Variants in CCDC144A observed in about 807,000 individuals in gnomAD.
CCDC144A encodes coiled-coil domain containing 144A.
In CCDC144A, 41 loss-of-function variants were observed where a neutral mutation model predicts 143.8. The observed-to-expected ratio is 0.29, with a 90% CI of 0.22 to 0.37. The LOEUF is 0.37. Ranked by LOEUF, CCDC144A falls within the 10% of genes least tolerant of loss-of-function variation. The pLI is 1.00. For missense variants in CCDC144A, 637 were observed against 1,488.8 expected (o/e 0.43, Z 9.41); for synonymous variants, 242 against 517.9 (o/e 0.47, Z 7.23).
At chr17:16,666,995 G>A in the CCDC144A span, 1 of 153,008 alleles carries the variant, frequency 6.5e-6, no homozygotes, top group African/African-American at 2.4e-5. Context: ...TCAGCGACTC[G>A]CGCCCGGCTG....
chr17:16,733,345 C>CA (rs1211860336), intron 11 of CCDC144A, among the ~76,000 whole-genome samples: 6 of 142,440 alleles, frequency 4.2e-5, no homozygotes, highest in Non-Finnish European at 1.5e-5. Context: ...ACTAAAAATA[C>CA]AAAAAAAATT....
intron 15 of CCDC144A, among the ~76,000 whole-genome samples, chr17:16,771,484 A>G (rs1420935985): frequency 6.6e-5 from 10 of 152,262 alleles, no homozygotes; most frequent in African/African-American, 2.4e-4. Context: ...TGCTTTCTTC[A>G]AGTATGTATT....
At chr17:16,690,127 A>G (rs1910954568), upstream of CCDC144A, 1 of 302,228 alleles carries the variant, frequency 3.3e-6, no homozygotes, top group African/African-American at 2.2e-5. Context: ...CCTGCAGGCC[A>G]AGGAGTCTTT....
At chr17:16,705,598 G>A in intron 3 of CCDC144A, 199 bp downstream of exon 3, 1 of 572,668 alleles carries the variant, frequency 1.7e-6, no homozygotes, top group South Asian at 2.0e-5. Context: ...AGAGAATTAG[G>A]GGAAAGCATG....
At chr17:16,686,091 G>GTTTT (rs67135656), upstream of CCDC144A, among the ~76,000 whole-genome samples, 4 of 114,716 alleles carry the variant, frequency 3.5e-5, no homozygotes, top group Non-Finnish European at 5.5e-5. Flanking sequence ...TGTTTTTTTT[G>GTTTT]TTTTTTTTTT....
chr17:16,729,552 C>T (rs945138347), intron 9 of CCDC144A, among the ~76,000 whole-genome samples: 20 of 151,898 alleles, frequency 1.3e-4, no homozygotes, highest in Non-Finnish European at 2.8e-4. Flanking sequence ...TGTGCAGAAG[C>T]CTTTTCTTTT....
Position 16,732,646 on chromosome 17 carries a change from C to T in CCDC144A, c.2398C>T (p.Arg800Ter), listed in dbSNP as rs755502003. The change falls in exon 11 of 17, where the codon CGA (arginine) becomes TGA (stop). Residue 800 changes from arginine (R) to a stop codon, truncating the protein, a stop_gained. Coordinates refer to ENST00000399273, the MANE Select transcript of CCDC144A (RefSeq NM_001382000.1). LOFTEE classifies it high-confidence loss of function. Reference sequence around the variant, plus strand: ...TAAACAAAAGGAACTAGAAATGGCTCGAAAGAAAATGAATTCTGAGGTATT... The same window carrying T: ...TAAACAAAAGGAACTAGAAATGGCTTGAAAGAAAATGAATTCTGAGGTATT... ...TSKQKELEMA[R>*]KKMNSEISHR... is the part of the protein sequence containing the mutation. 17 of 1,609,118 alleles carry T rather than the reference C, an allele frequency of 1.1e-5. No individual in the cohort carries two copies. The highest frequency in any genetic ancestry group is 2.7e-5 in the African/African-American group (2 of 74,658).
In CCDC144A at chr17:16,729,991, T is replaced by TATATATATACACACAC. The variant is rs1491438660; in HGVS notation, c.2106-1808_2106-1807insTATATATACACACACA. ...ATATATATATATATATATATATATA[T>TATATATATACACACAC]ACACACATACATTTTTTGTTTTTTT... On this transcript the variant is annotated intron_variant, in intron 9 of 16. Transcript: ENST00000399273. Among the ~76,000 whole-genome samples the TATATATATACACACAC allele has an allele frequency of 6.4e-4, 73 of 114,852 alleles. 1 individual carries two copies. The highest frequency in any genetic ancestry group is 1.0e-3 in the South Asian group (4 of 3,952). The allele number at this position is 114,852 out of a possible 152,430, so 75.3% of individuals were successfully genotyped here. A position where few individuals can be genotyped will look rare whatever the true frequency, so the allele number is the denominator to read the frequency against.
the CCDC144A span, among the ~76,000 whole-genome samples, chr17:16,682,829 G>T: frequency 6.9e-6 from 1 of 145,676 alleles, no homozygotes; most frequent in African/African-American, 2.5e-5. Context: ...GTGAGTAGGT[G>T]AGAAACCATA....
At chr17:16,770,105 C>T (rs1231362566) in intron 15 of CCDC144A, among the ~76,000 whole-genome samples, 1 of 151,042 alleles carries the variant, frequency 6.6e-6, no homozygotes, top group South Asian at 2.1e-4. Context: ...AGATTACAGG[C>T]GTGAGCCACC....
At chr17:16,673,677 C>T in the CCDC144A span, among the ~76,000 whole-genome samples, 6 of 152,098 alleles carry the variant, frequency 3.9e-5, no homozygotes, top group African/African-American at 7.2e-5. Flanking sequence ...TGAGCCACCA[C>T]GCCCGGCCTA....
intron 15 of CCDC144A, among the ~76,000 whole-genome samples, chr17:16,769,189 CT>C (rs1274166869): frequency 6.6e-6 from 1 of 152,138 alleles, no homozygotes; most frequent in African/African-American, 2.4e-5. Flanking sequence ...ACTCATGTCA[CT>C]GTGGGCAGAC....
intron 6 of CCDC144A, among the ~76,000 whole-genome samples, chr17:16,713,946 A>G (rs1216767202): frequency 6.6e-6 from 1 of 151,762 alleles, no homozygotes; most frequent in African/African-American, 2.4e-5. Context: ...CACTCCTACC[A>G]CTCTTCCAAG....
At chr17:16,713,863 C>T (rs1295824611) in intron 6 of CCDC144A, among the ~76,000 whole-genome samples, 1 of 152,104 alleles carries the variant, frequency 6.6e-6, no homozygotes, top group Non-Finnish European at 1.5e-5. Flanking sequence ...GTATGCTGGC[C>T]TTGAAAGAGT....
At chr17:16,766,957 A>T (rs1915624754) in intron 15 of CCDC144A, 1 of 152,148 alleles carries the variant, frequency 6.6e-6, no homozygotes, top group African/African-American at 2.4e-5. Context: ...TTTTTTGCCC[A>T]ATCATGTTAG....
chr17:16,688,743 C>T (rs1246643564), upstream of CCDC144A, among the ~76,000 whole-genome samples: 1 of 152,132 alleles, frequency 6.6e-6, no homozygotes, highest in African/African-American at 2.4e-5. Flanking sequence ...CTGCCTCTGC[C>T]TCCCAAAGTG....
chr17:16,705,593 A>G (rs1471964326), intron 3 of CCDC144A, 194 bp downstream of exon 3: 6 of 580,210 alleles, frequency 1.0e-5, no homozygotes, highest in South Asian at 4.0e-5. Context: ...ATAACAGAGA[A>G]TTAGGGGAAA....
At chr17:16,683,519 T>C in the CCDC144A span, 1 of 1,530,262 alleles carries the variant, frequency 6.5e-7, no homozygotes, top group East Asian at 2.2e-5. Context: ...GGATGTTCTA[T>C]GCCGTGAGGA....
At chr17:16,679,319 A>G in the CCDC144A span, among the ~76,000 whole-genome samples, 3,341 of 152,104 alleles carry the variant, frequency 0.022, 114 homozygotes, top group African/African-American at 0.077. Flanking sequence ...TCTCTAAGGG[A>G]CTTATTTCAC....
Sources: gnomAD v4.1 joint callset for allele counts (sites outside exome capture counted in the v4.1 genomes callset) on GRCh38, gnomAD v4.1.1 for gene constraint, MANE v1.5 for transcripts, NCBI Gene and HGNC (gene_info 2026-07-23, HGNC 2026-07-21) for gene names.